IL19: variants seen among roughly 807,000 people sequenced by gnomAD.
IL19 encodes interleukin-19.
In IL19, 15 loss-of-function variants were observed where a neutral mutation model predicts 19.5. That is an observed-to-expected ratio of 0.77 (90% CI 0.52 to 1.19). IL19 has a LOEUF of 1.19. Among genes scored for constraint, IL19 ranks in the 50% most tolerant of loss-of-function variants. IL19 has a pLI of 0.00. For synonymous variants in IL19, 78 were observed against 78.3 expected, an observed-to-expected ratio of 1.00 and a Z score of 0.02; for missense variants, 199 against 213.1, an observed-to-expected ratio of 0.93 and a Z score of 0.41.
At chr1:206,811,443 C>CAA (rs61026012) in intron 2 of IL19, among the ~76,000 whole-genome samples, 6 of 99,654 alleles carry the variant, frequency 6.0e-5, no homozygotes, top group South Asian at 3.7e-4. Context: ...GACTCCGTCT[C>CAA]AAAAAAAAAA....
chr1:206,807,254 AG>A (rs1270895755), intron 2 of IL19, among the ~76,000 whole-genome samples: 1 of 152,236 alleles, frequency 6.6e-6, no homozygotes, highest in Non-Finnish European at 1.5e-5. Context: ...CTACAATTCA[AG>A]ATGAGATTTG....
At chr1:206,825,972 A>G (rs1326996411) in intron 2 of IL19, among the ~76,000 whole-genome samples, 1 of 152,226 alleles carries the variant, frequency 6.6e-6, no homozygotes, top group Non-Finnish European at 1.5e-5. Flanking sequence ...TGAGAGACCA[A>G]CTTAAAAATG....
intron 1 of IL19, among the ~76,000 whole-genome samples, chr1:206,773,007 T>C (rs935261417): frequency 2.6e-5 from 4 of 152,156 alleles, no homozygotes; most frequent in Non-Finnish European, 4.4e-5. Context: ...CTAAATATCC[T>C]CAAAGTTCCC....
In IL19 at chr1:206,835,636, C is replaced by T. The variant is rs376023934; in HGVS notation, c.-2-1025C>T. ...CCCTCCTCTCCTCCACGGCCACACA[C>T]GATACACTTACCTTGGCACACACAG... On this transcript the variant is annotated intron_variant, in intron 2 of 6. Transcript: ENST00000659997. Among the ~76,000 whole-genome samples the T allele has an allele frequency of 9.2e-5, 14 of 152,276 alleles. 1 individual carries two copies. The highest frequency in any genetic ancestry group is 3.1e-4 in the African/African-American group (13 of 41,550).
chr1:206,791,298 T>C (rs747035079), intron 1 of IL19, among the ~76,000 whole-genome samples: 70 of 126,606 alleles, frequency 5.5e-4, no homozygotes, highest in Non-Finnish European at 9.1e-4. Context: ...AGGAGGTCCT[T>C]AGGTTTTTTT....
chr1:206,788,225 T>A (rs1486147375), intron 1 of IL19, among the ~76,000 whole-genome samples: 1 of 152,220 alleles, frequency 6.6e-6, no homozygotes, highest in Non-Finnish European at 1.5e-5. Context: ...TACTGTATAC[T>A]GTGTGCCCAC....
chr1:206,804,455 A>T (rs1388051474), intron 2 of IL19, among the ~76,000 whole-genome samples: 1 of 152,212 alleles, frequency 6.6e-6, no homozygotes, highest in African/African-American at 2.4e-5. Flanking sequence ...GGTTGAGTGC[A>T]CTGAAATAAT....
rs535640031 is a variant in IL19, at chr1:206,840,075, C to T, written c.363+73C>T. ...GGAGAGGCCAGGAAGTGCTGGCCCC[C>T]ATCGGCCTCCTGATATGGTGCTTGG... On this transcript the variant is annotated intron_variant, in intron 5 of 6. Transcript: ENST00000659997. 70 of 1,516,266 alleles carry T rather than the reference C, an allele frequency of 4.6e-5. 1 individual carries two copies. The highest frequency in any genetic ancestry group is 2.7e-4 in the East Asian group (12 of 44,466). The allele number at this position is 1,516,266 out of a possible 1,614,324, so 93.9% of individuals were successfully genotyped here.
At chr1:206,818,043 C>T (rs1253059004) in intron 2 of IL19, among the ~76,000 whole-genome samples, 1 of 152,086 alleles carries the variant, frequency 6.6e-6, no homozygotes. Flanking sequence ...GGATTGCAGG[C>T]GTGAGCCACC....
intron 2 of IL19, among the ~76,000 whole-genome samples, chr1:206,823,468 A>G (rs373762606): frequency 1.6e-4 from 24 of 151,902 alleles, no homozygotes; most frequent in African/African-American, 5.5e-4. Context: ...GGCAGGAGAA[A>G]GGTGTGAACC....
At chr1:206,794,508 TTATACTATGGTTGGCCCCGGGTCC>T (rs991440193) in intron 1 of IL19, among the ~76,000 whole-genome samples, 1 of 152,144 alleles carries the variant, frequency 6.6e-6, no homozygotes, top group Non-Finnish European at 1.5e-5. Context: ...CTCTGAGCTC[TTATACTATGGTTGGCCCCGGGTCC>T]TCCTGTTGGG....
In IL19 at chr1:206,842,527, C is replaced by T. The variant is rs1677051493; in HGVS notation, c.439C>T (p.Leu147=). The change falls in exon 7 of 7, where the codon CTG becomes TTG. Residue 147 remains leucine, a splice_region_variant and synonymous_variant. Transcript: ENST00000659997. ...TRVIHDNYDQ[L]EVHAAAIKSL... The stretch of plus-strand genomic sequence containing the variant: ...TTCTTACATTGATCTCTGATTTCAG[C>T]TGGAGGTCCACGCTGCTGCCATTAA... 5.1e-6 allele frequency: 8 copies of T among 1,555,188 alleles called. No homozygotes were observed. The highest frequency in any genetic ancestry group is 6.1e-6 in the Non-Finnish European group (7 of 1,145,398).
chr1:206,839,604 C>T (rs937928488), intron 4 of IL19, among the ~76,000 whole-genome samples: 1 of 152,156 alleles, frequency 6.6e-6, no homozygotes, highest in African/African-American at 2.4e-5. Flanking sequence ...TTCTGGGCCC[C>T]ATCCTTAGTA....
chr1:206,832,226 C>G (rs12065304), intron 2 of IL19, among the ~76,000 whole-genome samples: 1 of 152,258 alleles, frequency 6.6e-6, no homozygotes, highest in South Asian at 2.1e-4. Context: ...TTCCAGGTGC[C>G]TGGCACACAG....
At chr1:206,840,159 T>A in intron 5 of IL19, 157 bp downstream of exon 5, 1 of 826,910 alleles carries the variant, frequency 1.2e-6, no homozygotes, top group South Asian at 1.4e-5. Context: ...CCTCTCCCAG[T>A]GGCCACTGCT....
At chr1:206,782,899 T>C (rs1268704325) in intron 1 of IL19, among the ~76,000 whole-genome samples, 1 of 152,226 alleles carries the variant, frequency 6.6e-6, no homozygotes, top group Admixed American at 6.5e-5. Flanking sequence ...TTAAAAACCC[T>C]GCTTAGTCTT....
chr1:206,782,905 G>A (rs1357809136), intron 1 of IL19, among the ~76,000 whole-genome samples: 2 of 152,124 alleles, frequency 1.3e-5, no homozygotes, highest in Admixed American at 6.6e-5. Flanking sequence ...ACCCTGCTTA[G>A]TCTTTGGTAA....
intron 2 of IL19, among the ~76,000 whole-genome samples, chr1:206,801,992 C>T (rs1675720928): frequency 1.3e-5 from 2 of 152,112 alleles, no homozygotes; most frequent in South Asian, 4.1e-4. Flanking sequence ...AACGAAGGCA[C>T]CTCCATAGAA....
chr1:206,771,147 G>A, intron 1 of IL19, 69 bp downstream of exon 1: 1 of 1,445,904 alleles, frequency 6.9e-7, no homozygotes, highest in Non-Finnish European at 9.7e-7. Context: ...GGACAGCTTG[G>A]TTCTAGCGAT....
Sources: gnomAD v4.1 joint callset for allele counts (sites outside exome capture counted in the v4.1 genomes callset) on GRCh38, gnomAD v4.1.1 for gene constraint, MANE v1.5 for transcripts, NCBI Gene and HGNC (gene_info 2026-07-23, HGNC 2026-07-21) for gene names.